Variants in TUT4 observed in about 807,000 individuals in gnomAD.
The protein encoded by TUT4 is terminal uridylyltransferase 4.
TUT4 carries 36 observed loss-of-function variants against 192.2 expected under a neutral mutation model. That is an observed-to-expected ratio of 0.19 (90% confidence interval 0.14 to 0.25). The LOEUF (loss-of-function observed/expected upper bound fraction) is 0.25. Among genes scored for constraint, TUT4 ranks in the 10% least tolerant of loss-of-function variants. TUT4 has a pLI of 1.00. For missense variants in TUT4, 1,493 were observed against 1,957.2 expected, an observed-to-expected ratio of 0.76 and a Z score of 4.47; for synonymous variants, 618 against 666.0, an observed-to-expected ratio of 0.93 and a Z score of 1.11.
At chr1:52,522,903 C>A (rs564454001) in intron 2 of TUT4, among the ~76,000 whole-genome samples, 1 of 150,540 alleles carries the variant, frequency 6.6e-6, no homozygotes, top group East Asian at 2.0e-4. Flanking sequence ...CCACCCTGGA[C>A]AACAGAGTGA....
rs1267252331 is a variant in TUT4, at chr1:52,503,842, A to C, written c.999+5754T>G. On this transcript the variant is annotated intron_variant, in intron 4 of 29. Coordinates refer to ENST00000257177, the MANE Select transcript of TUT4 (RefSeq NM_001009881.3). ...TATTATTCTACTCATTCACCAATCTATTCACTGTTCTTCCTCTACTAGTCC... is the reference window on the plus strand; with the variant it reads ...TATTATTCTACTCATTCACCAATCTCTTCACTGTTCTTCCTCTACTAGTCC... 2.0e-5 allele frequency among the ~76,000 whole-genome samples: 3 copies of C among 152,088 alleles called. No individual in the cohort carries two copies. In the East Asian group the frequency reaches 5.8e-4, roughly 29 times the overall value.
At chr1:52,497,423 T>C (rs1672729161) in intron 4 of TUT4, among the ~76,000 whole-genome samples, 1 of 152,212 alleles carries the variant, frequency 6.6e-6, no homozygotes, top group African/African-American at 2.4e-5. Context: ...TTTGTTCCAC[T>C]GTACTGTCTG....
chr1:52,546,125 C>A (rs1004939595), intron 1 of TUT4, among the ~76,000 whole-genome samples: 1 of 151,910 alleles, frequency 6.6e-6, no homozygotes, highest in Admixed American at 6.6e-5. Flanking sequence ...GGAGACAGAG[C>A]CAGATCTTGT....
chr1:52,439,691 T>A (rs1172025073), intron 24 of TUT4, among the ~76,000 whole-genome samples: 2 of 152,216 alleles, frequency 1.3e-5, no homozygotes, highest in African/African-American at 4.8e-5. Flanking sequence ...GAATGTAAAG[T>A]AGCACAGCCA....
At chr1:52,491,073 T>C (rs1426133301) in intron 7 of TUT4, among the ~76,000 whole-genome samples, 1 of 152,152 alleles carries the variant, frequency 6.6e-6, no homozygotes, top group Non-Finnish European at 1.5e-5. Context: ...AGTTTTAATA[T>C]TTCCAAGTAA....
chr1:52,491,704 TAAC>T (rs10568143), intron 7 of TUT4, among the ~76,000 whole-genome samples: 2,088 of 151,492 alleles, frequency 0.014, 45 homozygotes, highest in African/African-American at 0.047. Flanking sequence ...AAAACAAAAA[TAAC>T]AACAACAAAA....
At chr1:52,542,556 C>T (rs1000807768) in intron 1 of TUT4, among the ~76,000 whole-genome samples, 19 of 152,128 alleles carry the variant, frequency 1.2e-4, no homozygotes, top group East Asian at 1.9e-4. Flanking sequence ...TTGATGCAGA[C>T]GAAGAATCTG....
rs748149518 is a variant in TUT4 at position 52,522,987 on chromosome 1, C to CTTTT, written c.718+2572_718+2575dup. 2.2e-3 allele frequency among the ~76,000 whole-genome samples: 198 copies of CTTTT among 89,568 alleles called. 2 individuals are homozygous for CTTTT. The highest frequency in any genetic ancestry group is 2.3e-3 in the Non-Finnish European group (120 of 51,698). The allele number at this position is 89,568 out of a possible 152,430, so 58.8% of individuals were successfully genotyped here. A position where few individuals can be genotyped will look rare whatever the true frequency, so the allele number is the denominator to read the frequency against. On this transcript the variant is annotated intron_variant, in intron 2 of 29. Coordinates refer to ENST00000257177, the MANE Select transcript of TUT4 (RefSeq NM_001009881.3). ...TTCAAATAACAAGACCCTTAACTAT[C>CTTTT]TTTTTTTTTTTTTTTTTTTTTTTGA...
intron 5 of TUT4, among the ~76,000 whole-genome samples, chr1:52,496,745 C>T (rs1282265246): frequency 6.6e-6 from 1 of 152,050 alleles, no homozygotes; most frequent in Non-Finnish European, 1.5e-5. Flanking sequence ...TATTGAAAAA[C>T]TAAAATATTT....
intron 1 of TUT4, among the ~76,000 whole-genome samples, chr1:52,540,036 G>A (rs1686103426): frequency 6.6e-6 from 1 of 151,228 alleles, no homozygotes; most frequent in African/African-American, 2.4e-5. Context: ...GGCTAACAAG[G>A]TGAAACCCTG....
intron 20 of TUT4, among the ~76,000 whole-genome samples, chr1:52,450,462 A>AT (rs1427820644): frequency 3.3e-5 from 5 of 152,332 alleles, no homozygotes; most frequent in Admixed American, 3.3e-4. Flanking sequence ...TGTTAAACAG[A>AT]TAATGAAAGA....
intron 2 of TUT4, among the ~76,000 whole-genome samples, chr1:52,522,593 T>C (rs1471740001): frequency 6.6e-6 from 1 of 152,210 alleles, no homozygotes; most frequent in East Asian, 1.9e-4. Context: ...TTCTTAACTA[T>C]CTCTCTATGT....
chr1:52,546,748 T>C (rs1388113627), intron 1 of TUT4, among the ~76,000 whole-genome samples: 1 of 152,220 alleles, frequency 6.6e-6, no homozygotes, highest in Non-Finnish European at 1.5e-5. Flanking sequence ...GTTAATTTGT[T>C]ATGTACACTT....
rs201200631 is a variant in TUT4 at position 52,488,800 on chromosome 1, CAT to C, written c.1515+107_1515+108del. 789 of 1,176,280 alleles carry C rather than the reference CAT, an allele frequency of 6.7e-4. 2 individuals carry two copies. The highest frequency in any genetic ancestry group is 6.2e-3 in the East Asian group (219 of 35,372). 72.9% of individuals were successfully genotyped at this position (1,176,280 alleles called of 1,614,324 possible). On this transcript the variant is annotated intron_variant, in intron 9 of 29. Transcript: ENST00000257177. ...TAGCACAGAAAACTACTTTCTCCCACATGTTATGATTGATGTTACATGTCAGT... is the reference window on the plus strand; with the variant it reads ...TAGCACAGAAAACTACTTTCTCCCACGTTATGATTGATGTTACATGTCAGT...
At chr1:52,445,017 ATGTATATATG>A (rs2148436823) in intron 24 of TUT4, among the ~76,000 whole-genome samples, 2 of 136,650 alleles carry the variant, frequency 1.5e-5, no homozygotes, top group South Asian at 2.2e-4. Context: ...GTGTATATAT[ATGTATATATG>A]TGTATATATA....
intron 16 of TUT4, 55 bp downstream of exon 16, chr1:52,465,015 T>A: frequency 3.7e-6 from 5 of 1,368,344 alleles, no homozygotes; most frequent in Non-Finnish European, 5.0e-6. Context: ...AAAATAAACA[T>A]AGAATCGTCA....
In TUT4 at chr1:52,423,576, A is replaced by C. The variant is rs774611565; in HGVS notation, c.*359T>G. ...GAATACAGCTAATAGAAAATAAAGA[A>C]TGTAATTTTTTAAATTCTCTCTTTA... is the stretch of plus-strand genomic sequence containing the variant. On this transcript the variant is annotated 3_prime_UTR_variant, in exon 30 of 30. Transcript: ENST00000257177. 6.6e-6 allele frequency: 2 copies of C among 302,252 alleles called. No individual in the cohort carries two copies. Among genetic ancestry groups the C allele is most frequent in the Non-Finnish European group, 1.3e-5 (2 of 155,520 alleles). The allele number at this position is 302,252 out of a possible 1,614,324, so 18.7% of individuals were successfully genotyped here.
At chr1:52,458,282 T>TTTAG in intron 20 of TUT4, 54 bp downstream of exon 20, 1 of 1,359,000 alleles carries the variant, frequency 7.4e-7, no homozygotes, top group Non-Finnish European at 1.0e-6. Context: ...ATCTCCTGTG[T>TTTAG]TTAGATCTAT....
At chr1:52,543,980 AAACT>A (rs1055225557) in intron 1 of TUT4, among the ~76,000 whole-genome samples, 11 of 152,208 alleles carry the variant, frequency 7.2e-5, no homozygotes, top group African/African-American at 2.6e-4. Flanking sequence ...CCTAGTCGCA[AAACT>A]TACTACAAAG....
Sources: allele counts gnomAD v4.1 joint callset (sites outside exome capture counted in the v4.1 genomes callset), GRCh38; gene constraint gnomAD v4.1.1; transcripts MANE v1.5; gene names NCBI Gene and HGNC (gene_info 2026-07-23, HGNC 2026-07-21).